The following ACACA variants were observed in gnomAD, a reference collection of about 807,000 sequenced individuals.
ACACA encodes acetyl-CoA carboxylase 1.
In ACACA, 103 loss-of-function variants were observed where a neutral mutation model predicts 296.1. That is an observed-to-expected ratio of 0.35 (90% confidence interval 0.30 to 0.41). The LOEUF (loss-of-function observed/expected upper bound fraction) is 0.41. ACACA is among the 10% of genes least tolerant of loss of function. ACACA has a pLI of 1.00. For missense variants in ACACA, 1,554 were observed against 2,989.7 expected (o/e 0.52, Z 11.20); for synonymous variants, 953 against 1,038.6 (o/e 0.92, Z 1.58).
Position 37,097,984 on chromosome 17 carries a change from C to A in ACACA, c.6566G>T (p.Gly2189Val). ...PVYIHLAERLGTPELSTAERK... is the reference protein window; with the variant it reads ...PVYIHLAERLVTPELSTAERK... ...CTCAGCTGTGCTTAGCTCTGGGGTCCCTGCAATTAGATAAACATGCCCGTC... is the reference window on the plus strand; with the variant it reads ...CTCAGCTGTGCTTAGCTCTGGGGTCACTGCAATTAGATAAACATGCCCGTC... Residue 2189 changes from glycine (G) to valine (V), a missense_variant and splice_region_variant, in exon 53 of 56, where the codon GGG (glycine) becomes GTG (valine). Physicochemically the swap from Gly to Val is moderately radical, Grantham distance 109 (BLOSUM62 -3). Coordinates refer to ENST00000616317, the MANE Select transcript of ACACA (RefSeq NM_198834.3). This position sits in a 1 kb window ranked among gnomAD's most constrained non-coding sequence, Gnocchi z 4.8. 3 of 1,614,170 alleles carry A rather than the reference C, an allele frequency of 1.9e-6. No homozygotes were observed. In the South Asian group the frequency reaches 3.3e-5, roughly 18 times the overall value.
intron 39 of ACACA, among the ~76,000 whole-genome samples, 157 bp from the exon 40 acceptor site, chr17:37,181,513 C>T (rs992315767): frequency 2.6e-5 from 4 of 152,040 alleles, no homozygotes; most frequent in African/African-American, 9.7e-5. Context: ...ACTTGGTGCT[C>T]TCACCTCTCC....
chr17:37,087,446 AG>A lies in ACACA; in HGVS notation c.7029-8del. 1 of 1,614,206 alleles carries A rather than the reference AG, an allele frequency of 6.2e-7. No individual in the cohort carries two copies. The highest frequency in any genetic ancestry group is 8.5e-7 in the Non-Finnish European group (1 of 1,180,036). Reference sequence around the variant, plus strand: ...TGGATTGGCCTGGACCAAGCTGGAAAGGAAGATTGAGAATGGTGAAGAAAAG... The same window carrying A: ...TGGATTGGCCTGGACCAAGCTGGAAAGAAGATTGAGAATGGTGAAGAAAAG... On this transcript the variant is annotated splice_region_variant and splice_polypyrimidine_tract_variant and intron_variant, in intron 55 of 55. Transcript: ENST00000616317.
intron 33 of ACACA, among the ~76,000 whole-genome samples, chr17:37,201,633 A>C (rs1315227451): frequency 6.6e-6 from 1 of 152,176 alleles, no homozygotes; most frequent in Non-Finnish European, 1.5e-5. Context: ...AACAGCAAGC[A>C]GAAAAGCAAC....
intron 3 of ACACA, among the ~76,000 whole-genome samples, chr17:37,292,500 ATTTT>A (rs780413719): frequency 3.2e-4 from 48 of 152,204 alleles, no homozygotes; most frequent in Non-Finnish European, 5.9e-4. Flanking sequence ...AAACATAAGC[ATTTT>A]TCTGTGCATC....
chr17:37,090,700 T>C (rs942964404), intron 54 of ACACA, among the ~76,000 whole-genome samples: 7 of 152,168 alleles, frequency 4.6e-5, no homozygotes, highest in Admixed American at 3.9e-4. Context: ...TAACATGGTT[T>C]TAACTCACTC....
intron 52 of ACACA, among the ~76,000 whole-genome samples, chr17:37,101,597 C>T (rs1480597637): frequency 6.6e-6 from 1 of 152,190 alleles, no homozygotes; most frequent in Non-Finnish European, 1.5e-5. Flanking sequence ...GCTGTCTCTT[C>T]TCGCTTACTT....
intron 54 of ACACA, among the ~76,000 whole-genome samples, chr17:37,096,292 G>A (rs2072987679): frequency 6.6e-6 from 1 of 152,130 alleles, no homozygotes; most frequent in Admixed American, 6.5e-5. Flanking sequence ...CAGCTTACAT[G>A]GCCCTGTGTG....
chr17:37,193,217 T>C (rs12603097), intron 36 of ACACA, among the ~76,000 whole-genome samples, 157 bp downstream of exon 36: 52,665 of 151,788 alleles, frequency 0.35, 11,819 homozygotes, highest in African/African-American at 0.63. Context: ...AGAAAGGAAT[T>C]GGCTTTAGTT....
At chr17:37,322,790 G>A (rs961059564) in intron 3 of ACACA, among the ~76,000 whole-genome samples, 2 of 152,256 alleles carry the variant, frequency 1.3e-5, no homozygotes, top group East Asian at 1.9e-4. Flanking sequence ...ACTCGGGGCC[G>A]TCAGAGAAGA....
At chr17:37,343,013 T>C (rs2048456941) in intron 1 of ACACA, among the ~76,000 whole-genome samples, 1 of 152,154 alleles carries the variant, frequency 6.6e-6, no homozygotes, top group African/African-American at 2.4e-5. Context: ...AGTCTCAATC[T>C]GTCACCCAGG....
At chr17:37,302,202 CTTTT>C (rs1238449451) in intron 3 of ACACA, among the ~76,000 whole-genome samples, 8 of 120,816 alleles carry the variant, frequency 6.6e-5, no homozygotes, top group Admixed American at 8.6e-5. Context: ...GTCTGGAACT[CTTTT>C]TTTTTTTTTT....
At chr17:37,185,149 G>A (rs1040227985) in intron 39 of ACACA, among the ~76,000 whole-genome samples, 8 of 152,108 alleles carry the variant, frequency 5.3e-5, no homozygotes, top group East Asian at 1.9e-4. Flanking sequence ...GTACTTACAC[G>A]GTGTATACAT....
Position 37,260,296 on chromosome 17 carries a change from ATTTTTTT to A in ACACA, c.1330-773_1330-767del, listed in dbSNP as rs1165828702. Among the ~76,000 whole-genome samples the A allele has an allele frequency of 5.8e-3, 109 of 18,922 alleles. 2 individuals carry two copies. Among genetic ancestry groups the A allele is most frequent in the Middle Eastern group, 0.062 (1 of 16 alleles). The allele number at this position is 18,922 out of a possible 152,430, so 12.4% of individuals were successfully genotyped here. On this transcript the variant is annotated intron_variant, in intron 11 of 55. Coordinates refer to ENST00000616317, the MANE Select transcript of ACACA (RefSeq NM_198834.3). Reference sequence around the variant, plus strand: ...TATATATATATATATATATATATATATTTTTTTTTTTTTTTTTTTTGGAGATGGAGTC... The same window carrying A: ...TATATATATATATATATATATATATATTTTTTTTTTTTTGGAGATGGAGTC...
At chr17:37,195,099 C>A (rs1355408705) in intron 35 of ACACA, among the ~76,000 whole-genome samples, 1 of 151,970 alleles carries the variant, frequency 6.6e-6, no homozygotes, top group East Asian at 1.9e-4. Flanking sequence ...TAAAAAGTAA[C>A]AAATGTCAAA....
At chr17:37,161,708 C>T (rs768250893) in intron 42 of ACACA, 73 bp downstream of exon 42, 3 of 1,560,970 alleles carry the variant, frequency 1.9e-6, no homozygotes, top group South Asian at 1.1e-5. Flanking sequence ...AAACCTCTAC[C>T]CTTCCCCCAC....
In ACACA at chr17:37,334,763, G is replaced by A. The variant is rs184101962; in HGVS notation, c.86-4338C>T. On this transcript the variant is annotated intron_variant, in intron 2 of 55. Coordinates refer to ENST00000616317, the MANE Select transcript of ACACA (RefSeq NM_198834.3). ...TGCCACTGCACCCCGTCCATGCCCC[G>A]TCCATGCCAGTAGCTCCCCTTAGCA... 2.7e-4 allele frequency among the ~76,000 whole-genome samples: 40 copies of A among 147,230 alleles called. 1 individual carries two copies. The South Asian group carries it at 4.8e-3, about 18-fold the overall frequency.
chr17:37,320,896 G>A (rs936328614), intron 3 of ACACA, among the ~76,000 whole-genome samples: 6 of 150,894 alleles, frequency 4.0e-5, no homozygotes, highest in Admixed American at 6.6e-5. Context: ...GCAGTGAGCC[G>A]AGATCACGCC....
intron 1 of ACACA, among the ~76,000 whole-genome samples, chr17:37,361,015 T>C (rs914392978): frequency 2.0e-5 from 3 of 151,526 alleles, no homozygotes; most frequent in Non-Finnish European, 1.5e-5. Flanking sequence ...TCCTCTTAAG[T>C]AATAGGAATT....
chr17:37,108,533 C>G (rs1003908908), intron 52 of ACACA, among the ~76,000 whole-genome samples: 1 of 152,100 alleles, frequency 6.6e-6, no homozygotes, highest in Non-Finnish European at 1.5e-5. Context: ...GGACTACAGG[C>G]ATGCACCACC....
Sources: allele counts gnomAD v4.1 joint callset (sites outside exome capture counted in the v4.1 genomes callset), GRCh38; gene constraint gnomAD v4.1.1; non-coding constraint Gnocchi (gnomAD v3.1); transcripts MANE v1.5; gene names NCBI Gene and HGNC (gene_info 2026-07-23, HGNC 2026-07-21).